Variants in PCDHA4 observed in about 807,000 individuals in gnomAD.
PCDHA4 encodes the protein protocadherin alpha-4.
In PCDHA4, 49 loss-of-function variants were observed where a neutral mutation model predicts 61.4. The observed-to-expected ratio is 0.80, with a 90% CI of 0.63 to 1.01. The LOEUF is 1.01. Ranked by LOEUF, PCDHA4 falls within the 50% of genes least tolerant of loss-of-function variation. The pLI is 0.00. For missense variants in PCDHA4, 1,254 were observed against 1,235.8 expected (o/e 1.01, Z -0.22); for synonymous variants, 590 against 550.3 (o/e 1.07, Z -1.01).
At chr5:140,882,333 C>A in intron 1 of PCDHA4, 1 of 1,614,220 alleles carries the variant, frequency 6.2e-7, no homozygotes, top group Non-Finnish European at 8.5e-7. Context: ...CTGATCCTCG[C>A]AGCCTGGGAG....
At chr5:140,841,679 G>A (rs1554138418) in intron 1 of PCDHA4, 3 of 1,613,866 alleles carry the variant, frequency 1.9e-6, no homozygotes, top group South Asian at 1.1e-5. Context: ...TTTCCATGTG[G>A]ACGTGGAGGT....
chr5:140,965,353 A>C (rs1255008521), intron 1 of PCDHA4, among the ~76,000 whole-genome samples: 1 of 152,172 alleles, frequency 6.6e-6, no homozygotes, highest in Non-Finnish European at 1.5e-5. Flanking sequence ...TTGCCTCTAT[A>C]GCAGTACAAG....
chr5:140,949,630 T>C (rs549897729), intron 1 of PCDHA4, among the ~76,000 whole-genome samples: 2 of 152,016 alleles, frequency 1.3e-5, no homozygotes, highest in South Asian at 4.1e-4. Flanking sequence ...TTTCATGGCA[T>C]ATTGCTTTTT....
chr5:141,009,705 G>A lies in PCDHA4; in HGVS notation c.2612G>A (p.Gly871Asp), dbSNP rs1554262289. Reference sequence around the variant, plus strand: ...AGCTGGACCTTTAAATACGGACCAGGCAACCCCAAACAATCCGGTCCCGGT... The same window carrying A: ...AGCTGGACCTTTAAATACGGACCAGACAACCCCAAACAATCCGGTCCCGGT... ...SNSWTFKYGPGNPKQSGPGEL... is the reference protein window; with the variant it reads ...SNSWTFKYGPDNPKQSGPGEL... Residue 871 changes from glycine (G) to aspartate (D), a missense_variant, in exon 4 of 4, where the codon GGC (glycine) becomes GAC (aspartate). Physicochemically the swap from Gly to Asp is moderately conservative, Grantham distance 94 (BLOSUM62 -1). Transcript: ENST00000530339. The A allele has an allele frequency of 6.2e-7, 1 of 1,614,106 alleles. No homozygotes were observed. Among genetic ancestry groups the A allele is most frequent in the Non-Finnish European group, 8.5e-7 (1 of 1,180,026 alleles).
chr5:140,829,543 G>A (rs1581881467), intron 1 of PCDHA4: 4 of 1,612,982 alleles, frequency 2.5e-6, no homozygotes, highest in Non-Finnish European at 3.4e-6. Flanking sequence ...ACGCGGACGC[G>A]CAGGAGAACG....
chr5:140,974,618 T>C (rs781783540), intron 1 of PCDHA4, among the ~76,000 whole-genome samples: 1 of 152,086 alleles, frequency 6.6e-6, no homozygotes, highest in Non-Finnish European at 1.5e-5. Context: ...TTCAAGCGAT[T>C]CTCCTGCCTC....
intron 1 of PCDHA4, among the ~76,000 whole-genome samples, chr5:140,826,323 TTG>T (rs1161647284): frequency 6.6e-6 from 1 of 152,208 alleles, no homozygotes; most frequent in Non-Finnish European, 1.5e-5. Context: ...GGGATTGTTT[TTG>T]GTTAAGAAAT....
intron 1 of PCDHA4, among the ~76,000 whole-genome samples, chr5:140,972,660 ATT>A (rs11350929): frequency 0.036 from 4,256 of 117,216 alleles, 192 homozygotes; most frequent in African/African-American, 0.13. Context: ...AAGAAACCAA[ATT>A]TTTTTTTTTT....
At chr5:140,930,906 C>T (rs1235701028) in intron 1 of PCDHA4, among the ~76,000 whole-genome samples, 1 of 152,134 alleles carries the variant, frequency 6.6e-6, no homozygotes, top group African/African-American at 2.4e-5. Flanking sequence ...ACTTACTTTT[C>T]TACTTTAGAT....
intron 1 of PCDHA4, among the ~76,000 whole-genome samples, chr5:140,840,300 T>A (rs2150305530): frequency 6.6e-6 from 1 of 152,132 alleles, no homozygotes. Flanking sequence ...TGATTAGATA[T>A]TCTTTTAACT....
chr5:140,829,222 C>T (rs147499647), intron 1 of PCDHA4: 53 of 1,614,100 alleles, frequency 3.3e-5, no homozygotes, highest in Non-Finnish European at 4.4e-5. Flanking sequence ...TGAACGACCT[C>T]GATTCAGGTG....
rs1365314674 is a variant in PCDHA4, at chr5:140,850,378, C to A, written c.2385+40806C>A. 1.3e-6 allele frequency: 2 copies of A among 1,597,842 alleles called. No homozygotes were observed. Among genetic ancestry groups the A allele is most frequent in the East Asian group, 2.2e-5 (1 of 44,846 alleles). On this transcript the variant is annotated intron_variant, in intron 1 of 3. Transcript: ENST00000530339. ...ATCCCGTTCCGCGTGGGGCTGTACA[C>A]GGGCGAGATCAGCACAACGCGTGCC...
chr5:141,006,343 C>T (rs1036137270), intron 3 of PCDHA4, among the ~76,000 whole-genome samples: 41 of 152,038 alleles, frequency 2.7e-4, no homozygotes, highest in African/African-American at 8.9e-4. Context: ...TCCTGAGTAG[C>T]TGGGACTATA....
intron 1 of PCDHA4, among the ~76,000 whole-genome samples, chr5:140,939,871 T>G (rs2092481346): frequency 6.6e-6 from 1 of 152,230 alleles, no homozygotes; most frequent in Non-Finnish European, 1.5e-5. Context: ...TAGGTCATCT[T>G]TGCTAGTTGT....
intron 1 of PCDHA4, chr5:140,875,853 C>T (rs2055871558): frequency 6.2e-7 from 1 of 1,614,162 alleles, no homozygotes; most frequent in African/African-American, 1.3e-5. Flanking sequence ...AGGACATTAA[C>T]GACAACCCGC....
intron 1 of PCDHA4, chr5:140,816,075 T>G (rs1464716932): frequency 6.6e-6 from 1 of 152,232 alleles, no homozygotes; most frequent in African/African-American, 2.4e-5. Flanking sequence ...AGATGTAATT[T>G]TAAAAAATAA....
At chr5:140,926,987 G>A (rs782407289) in intron 1 of PCDHA4, 13 of 1,610,996 alleles carry the variant, frequency 8.1e-6, no homozygotes, top group Non-Finnish European at 1.1e-5. Flanking sequence ...GAGACGGAGC[G>A]GGGCGTAGCC....
chr5:140,829,489 G>A (rs2150168747), intron 1 of PCDHA4: 1 of 1,613,588 alleles, frequency 6.2e-7, no homozygotes, highest in African/African-American at 1.3e-5. Flanking sequence ...TCGTGAAGGA[G>A]AACAACCCGC....
At chr5:140,863,062 G>A (rs62384481) in intron 1 of PCDHA4, 2 of 565,590 alleles carry the variant, frequency 3.5e-6, no homozygotes, top group South Asian at 1.4e-5. Context: ...CCCGTTCCAC[G>A]TGGGGCTCTG....
Sources: allele counts gnomAD v4.1 joint callset (sites outside exome capture counted in the v4.1 genomes callset), GRCh38; gene constraint gnomAD v4.1.1; transcripts MANE v1.5; gene names NCBI Gene and HGNC (gene_info 2026-07-23, HGNC 2026-07-21).